AGPAT4: variants seen among roughly 807,000 people sequenced by gnomAD.
AGPAT4 encodes 1-acyl-sn-glycerol-3-phosphate acyltransferase delta.
A neutral mutation model predicts 48.0 loss-of-function variants in AGPAT4; 15 were observed. That is an observed-to-expected ratio of 0.31 (90% confidence interval 0.21 to 0.48). The LOEUF (loss-of-function observed/expected upper bound fraction) is 0.48. Among genes scored for constraint, AGPAT4 ranks in the 20% least tolerant of loss-of-function variants. The pLI, the probability that AGPAT4 is intolerant of heterozygous loss-of-function variation, is 0.99. For synonymous variants in AGPAT4, 178 were observed against 198.7 expected, an observed-to-expected ratio of 0.90 and a Z score of 0.88; for missense variants, 314 against 482.5, an observed-to-expected ratio of 0.65 and a Z score of 3.27.
Position 161,179,402 on chromosome 6 carries a change from T to C in AGPAT4, c.179-12985A>G, listed in dbSNP as rs149383816. 2.8e-3 allele frequency among the ~76,000 whole-genome samples: 430 copies of C among 152,278 alleles called. 5 individuals carry two copies. The highest frequency in any genetic ancestry group is 8.7e-3 in the African/African-American group (360 of 41,548). ...ATAAAAGGAAGATCAGAATATACAA[T>C]CACACCTTGACCTCAGGCAGCGCTG... On this transcript the variant is annotated intron_variant, in intron 2 of 8. Transcript: ENST00000320285.
rs1779369919 is a variant in AGPAT4 at position 161,144,899 on chromosome 6, T to C, written c.843+1625A>G. 6.6e-6 allele frequency among the ~76,000 whole-genome samples: 1 copy of C among 151,868 alleles called. No individual in the cohort carries two copies. Among genetic ancestry groups the C allele is most frequent in the South Asian group, 2.1e-4 (1 of 4,814 alleles). On this transcript the variant is annotated intron_variant, in intron 7 of 8. Coordinates refer to ENST00000320285, the MANE Select transcript of AGPAT4 (RefSeq NM_020133.3). This position sits in a 1 kb window ranked among gnomAD's most constrained non-coding sequence, Gnocchi z 6.6. ...GGGAGGCTGAGGCAGGAGAATGGCG[T>C]GAACCCAGGAGGCAGAGCTTGCAGT...
rs745411380 is a variant in AGPAT4 at position 161,243,883 on chromosome 6, TA to T, written c.-89-11582del. On this transcript the variant is annotated intron_variant, in intron 1 of 8. Coordinates refer to ENST00000320285, the MANE Select transcript of AGPAT4 (RefSeq NM_020133.3). The surrounding 1 kb of genome is among the most constrained non-coding windows in gnomAD (Gnocchi z 4.8). ...GGTGACCCTGAGCTGAAGTGACTCC[TA>T]AGATCCTCAAAGCCCACTCACAAGT... 6.6e-6 allele frequency among the ~76,000 whole-genome samples: 1 copy of T among 152,186 alleles called. No homozygotes were observed. Among genetic ancestry groups the T allele is most frequent in the Non-Finnish European group, 1.5e-5 (1 of 68,030 alleles).
At position 161,267,696 on chromosome 6, in the gene AGPAT4, T is replaced by C. The variant is rs946920196; in HGVS notation, c.-90+6242A>G. 6.6e-6 allele frequency among the ~76,000 whole-genome samples: 1 copy of C among 151,404 alleles called. No individual in the cohort carries two copies. The highest frequency in any genetic ancestry group is 1.5e-5 in the Non-Finnish European group (1 of 67,886). On this transcript the variant is annotated intron_variant, in intron 1 of 8. Coordinates refer to ENST00000320285, the MANE Select transcript of AGPAT4 (RefSeq NM_020133.3). The surrounding 1 kb of genome is among the most constrained non-coding windows in gnomAD (Gnocchi z 5.2). ...AAGACTGCGCCATTGCACTCCAGCCTGGGCAACAAGAACAAAACTCTGTCT... is the reference window on the plus strand; with the variant it reads ...AAGACTGCGCCATTGCACTCCAGCCCGGGCAACAAGAACAAAACTCTGTCT...
Position 161,214,646 on chromosome 6 carries a change from G to A in AGPAT4, c.178+17390C>T, listed in dbSNP as rs1443547024. 6.6e-6 allele frequency among the ~76,000 whole-genome samples: 1 copy of A among 152,194 alleles called. No homozygotes were observed. The highest frequency in any genetic ancestry group is 1.5e-5 in the Non-Finnish European group (1 of 68,040). The stretch of plus-strand genomic sequence containing the variant: ...TAGCTGGGCATGGTGGCACACACCT[G>A]TAGTCCCAGCTACTCGGGAGGCTGA... On this transcript the variant is annotated intron_variant, in intron 2 of 8. Coordinates refer to ENST00000320285, the MANE Select transcript of AGPAT4 (RefSeq NM_020133.3). The surrounding 1 kb of genome is among the most constrained non-coding windows in gnomAD (Gnocchi z 5.4).
In AGPAT4 at chr6:161,236,240, C is replaced by T. The variant is rs146064161; in HGVS notation, c.-89-3938G>A. Among the ~76,000 whole-genome samples, 172 of 151,646 alleles carry T rather than the reference C, an allele frequency of 1.1e-3. 1 individual carries two copies. Among genetic ancestry groups the T allele is most frequent in the African/African-American group, 3.9e-3 (163 of 41,314 alleles). ...ACAGAGTTTCTAAATCAACAGAGAA[C>T]TAGGAAGCTGCTGCTATGCCATATT... On this transcript the variant is annotated intron_variant, in intron 1 of 8. Transcript: ENST00000320285. The surrounding 1 kb of genome is among the most constrained non-coding windows in gnomAD (Gnocchi z 5.0).
rs1175267605 is a variant in AGPAT4, at chr6:161,142,365, G to T, written c.844-2745C>A. The stretch of plus-strand genomic sequence containing the variant: ...CCCGTTTTGTAATAAAATTTGCCCC[G>T]CAGGGAAAGGACTCGTGTTTTTTGT... On this transcript the variant is annotated intron_variant, in intron 7 of 8. Transcript: ENST00000320285. The surrounding 1 kb of genome is among the most constrained non-coding windows in gnomAD (Gnocchi z 6.4). Among the ~76,000 whole-genome samples, 2 of 152,150 alleles carry T rather than the reference G, an allele frequency of 1.3e-5. No individual in the cohort carries two copies. The highest frequency in any genetic ancestry group is 2.9e-5 in the Non-Finnish European group (2 of 68,032).
chr6:161,158,993 G>T lies in AGPAT4; in HGVS notation c.349-4683C>A, dbSNP rs183184149. Reference sequence around the variant, plus strand: ...TTACCAGTTAGTCAAGTGAGCCAAGGTCATTTATTTCTACTAAATATATAA... The same window carrying T: ...TTACCAGTTAGTCAAGTGAGCCAAGTTCATTTATTTCTACTAAATATATAA... On this transcript the variant is annotated intron_variant, in intron 3 of 8. Coordinates refer to ENST00000320285, the MANE Select transcript of AGPAT4 (RefSeq NM_020133.3). The surrounding 1 kb of genome is among the most constrained non-coding windows in gnomAD (Gnocchi z 5.3). Among the ~76,000 whole-genome samples the T allele has an allele frequency of 6.6e-6, 1 of 152,304 alleles. No homozygotes were observed. Among genetic ancestry groups the T allele is most frequent in the African/African-American group, 2.4e-5 (1 of 41,586 alleles).
chr6:161,153,813 A>C (rs1241302504), intron 4 of AGPAT4, among the ~76,000 whole-genome samples: 1 of 145,496 alleles, frequency 6.9e-6, no homozygotes, highest in African/African-American at 2.6e-5. Flanking sequence ...CTGGGGTCAC[A>C]CACAGCCCTG....
In AGPAT4 at chr6:161,245,534, T is replaced by G. The variant is rs1436146376; in HGVS notation, c.-89-13232A>C. Among the ~76,000 whole-genome samples, 4 of 152,158 alleles carry G rather than the reference T, an allele frequency of 2.6e-5. No homozygotes were observed. The highest frequency in any genetic ancestry group is 4.4e-5 in the Non-Finnish European group (3 of 68,032). On this transcript the variant is annotated intron_variant, in intron 1 of 8. Transcript: ENST00000320285. This position sits in a 1 kb window ranked among gnomAD's most constrained non-coding sequence, Gnocchi z 5.2. ...AGGAAGCACTCTGCTGCCTCTATAGTGGCCACAGGAGCTTACTTTTTGTGG... is the reference window on the plus strand; with the variant it reads ...AGGAAGCACTCTGCTGCCTCTATAGGGGCCACAGGAGCTTACTTTTTGTGG...
At chr6:161,252,190 A>G (rs987776008) in intron 1 of AGPAT4, among the ~76,000 whole-genome samples, 6 of 152,170 alleles carry the variant, frequency 3.9e-5, no homozygotes, top group Non-Finnish European at 1.5e-5. Context: ...GGCCTCTGAC[A>G]TGGGGTTGTG....
chr6:161,258,455 A>C (rs1049037319), intron 1 of AGPAT4, among the ~76,000 whole-genome samples: 1 of 152,152 alleles, frequency 6.6e-6, no homozygotes, highest in African/African-American at 2.4e-5. Flanking sequence ...CTTGGTGGAA[A>C]TTTTCAAATG....
Position 161,154,776 on chromosome 6 carries a change from C to A in AGPAT4, c.349-466G>T, listed in dbSNP as rs1398226568. Reference sequence around the variant, plus strand: ...AGTAATTCTTGATCGCTGAAAATGTCAAACGCTAGAAAATGTAGCATTCCT... The same window carrying A: ...AGTAATTCTTGATCGCTGAAAATGTAAAACGCTAGAAAATGTAGCATTCCT... On this transcript the variant is annotated intron_variant, in intron 3 of 8. Transcript: ENST00000320285. The surrounding 1 kb of genome is among the most constrained non-coding windows in gnomAD (Gnocchi z 7.8). Among the ~76,000 whole-genome samples, 1 of 152,236 alleles carries A rather than the reference C, an allele frequency of 6.6e-6. No homozygotes were observed. The highest frequency in any genetic ancestry group is 1.5e-5 in the Non-Finnish European group (1 of 68,034).
At position 161,244,458 on chromosome 6, in the gene AGPAT4, C is replaced by T. The variant is rs974774645; in HGVS notation, c.-89-12156G>A. On this transcript the variant is annotated intron_variant, in intron 1 of 8. Coordinates refer to ENST00000320285, the MANE Select transcript of AGPAT4 (RefSeq NM_020133.3). This position sits in a 1 kb window ranked among gnomAD's most constrained non-coding sequence, Gnocchi z 4.7. The stretch of plus-strand genomic sequence containing the variant: ...GCGAAATTTAAAATGTTGGCAGTTT[C>T]CTTAAGCTTATTTCATCATTTAGTA... Among the ~76,000 whole-genome samples the T allele has an allele frequency of 7.2e-5, 11 of 152,142 alleles. No individual in the cohort carries two copies. Among genetic ancestry groups the T allele is most frequent in the African/African-American group, 2.7e-4 (11 of 41,422 alleles).
chr6:161,132,221 T>A lies in AGPAT4; in HGVS notation c.*4319A>T, dbSNP rs1778922708. 6.6e-6 allele frequency: 1 copy of A among 152,230 alleles called. No individual in the cohort carries two copies. Among genetic ancestry groups the A allele is most frequent in the Non-Finnish European group, 1.5e-5 (1 of 68,046 alleles). The allele number at this position is 152,230 out of a possible 1,614,324, so 9.4% of individuals were successfully genotyped here. On this transcript the variant is annotated 3_prime_UTR_variant, in exon 9 of 9. Transcript: ENST00000320285. ...GCCAAACAAAAAAAGTTCAAAAAAT[T>A]GTTTTCAATTAAATTTCTGAAGATC...
At chr6:161,239,825 A>G (rs1254395856) in intron 1 of AGPAT4, among the ~76,000 whole-genome samples, 1 of 152,218 alleles carries the variant, frequency 6.6e-6, no homozygotes, top group Non-Finnish European at 1.5e-5. Context: ...GTACAAATCC[A>G]TCTTTTTAGT....
chr6:161,194,407 G>A (rs952616038), intron 2 of AGPAT4, among the ~76,000 whole-genome samples: 1 of 151,768 alleles, frequency 6.6e-6, no homozygotes, highest in Non-Finnish European at 1.5e-5. Context: ...AGCCAAACCT[G>A]GTCCCCATTC....
rs1362685350 is a variant in AGPAT4, at chr6:161,234,929, C to A, written c.-89-2627G>T. On this transcript the variant is annotated intron_variant, in intron 1 of 8. Coordinates refer to ENST00000320285, the MANE Select transcript of AGPAT4 (RefSeq NM_020133.3). The surrounding 1 kb of genome is among the most constrained non-coding windows in gnomAD (Gnocchi z 4.4). The stretch of plus-strand genomic sequence containing the variant: ...AATTGAAATTTTACCGTGCGTAAAA[C>A]CCTCACTAGCAATGCATGAACCAGG... Among the ~76,000 whole-genome samples the A allele has an allele frequency of 6.6e-6, 1 of 151,876 alleles. No individual in the cohort carries two copies. Among genetic ancestry groups the A allele is most frequent in the African/African-American group, 2.4e-5 (1 of 41,336 alleles).
chr6:161,188,852 C>G (rs903254788), intron 2 of AGPAT4, among the ~76,000 whole-genome samples: 4 of 152,070 alleles, frequency 2.6e-5, no homozygotes, highest in African/African-American at 9.7e-5. Flanking sequence ...CGAGAGCCAC[C>G]TGGTGAGATC....
Position 161,238,035 on chromosome 6 carries a change from C to A in AGPAT4, c.-89-5733G>T, listed in dbSNP as rs1191022973. 7.2e-6 allele frequency among the ~76,000 whole-genome samples: 1 copy of A among 139,752 alleles called. No homozygotes were observed. Among genetic ancestry groups the A allele is most frequent in the African/African-American group, 2.7e-5 (1 of 36,654 alleles). The allele number at this position is 139,752 out of a possible 152,430, so 91.7% of individuals were successfully genotyped here. Reference sequence around the variant, plus strand: ...CAGGCAACGCGAGACCACCTGGAAGCCAAGCACTGCTGTGTGTTGGGGGGC... The same window carrying A: ...CAGGCAACGCGAGACCACCTGGAAGACAAGCACTGCTGTGTGTTGGGGGGC... On this transcript the variant is annotated intron_variant, in intron 1 of 8. Transcript: ENST00000320285. This position sits in a 1 kb window ranked among gnomAD's most constrained non-coding sequence, Gnocchi z 5.2.
Sources: allele counts gnomAD v4.1 joint callset (sites outside exome capture counted in the v4.1 genomes callset), GRCh38; gene constraint gnomAD v4.1.1; non-coding constraint Gnocchi (gnomAD v3.1); transcripts MANE v1.5; gene names NCBI Gene and HGNC (gene_info 2026-07-23, HGNC 2026-07-21).